CDK14: variants seen among roughly 807,000 people sequenced by gnomAD.
The protein encoded by CDK14 is cyclin-dependent kinase 14.
A neutral mutation model predicts 60.7 loss-of-function variants in CDK14; 34 were observed. That is an observed-to-expected ratio of 0.56 (90% CI 0.43 to 0.75). The LOEUF is 0.75. CDK14 is among the 30% of genes least tolerant of loss of function. The pLI is 0.00. For missense variants in CDK14, 482 were observed against 564.1 expected (o/e 0.85, Z 1.47); for synonymous variants, 197 against 203.7 (o/e 0.97, Z 0.28).
chr7:91,159,690 C>T (rs188168638), intron 14 of CDK14, among the ~76,000 whole-genome samples: 21 of 152,268 alleles, frequency 1.4e-4, no homozygotes, highest in African/African-American at 4.6e-4. Flanking sequence ...CAACAATGGA[C>T]AGAAAGCAGC....
intron 3 of CDK14, among the ~76,000 whole-genome samples, chr7:90,728,472 T>G (rs529170688): frequency 6.6e-6 from 1 of 152,184 alleles, no homozygotes; most frequent in African/African-American, 2.4e-5. Context: ...TTTTTAATTA[T>G]ACTAATATTT....
At chr7:90,606,373 ATAAT>A (rs946464785) in intron 2 of CDK14, among the ~76,000 whole-genome samples, 6 of 152,228 alleles carry the variant, frequency 3.9e-5, no homozygotes, top group African/African-American at 1.4e-4. Flanking sequence ...AAGGGTTAAG[ATAAT>A]TAAATAAGGT....
At chr7:90,711,640 C>G (rs569136603) in intron 2 of CDK14, among the ~76,000 whole-genome samples, 3 of 152,104 alleles carry the variant, frequency 2.0e-5, no homozygotes. Flanking sequence ...CATTGTAAGA[C>G]CTGCTGTAAA....
intron 2 of CDK14, among the ~76,000 whole-genome samples, chr7:90,615,191 A>C (rs1799625837): frequency 6.6e-6 from 1 of 152,258 alleles, no homozygotes; most frequent in Non-Finnish European, 1.5e-5. Context: ...AAAAGTTTTC[A>C]ATATGCACTT....
In CDK14 at chr7:90,892,338, A is replaced by C. The variant is rs955125870; in HGVS notation, c.640-6953A>C. Reference sequence around the variant, plus strand: ...GTTTTAAAATGGACATTATATACGTAATTAATCTTTCTAGTTTTCTTCTGT... The same window carrying C: ...GTTTTAAAATGGACATTATATACGTCATTAATCTTTCTAGTTTTCTTCTGT... On this transcript the variant is annotated intron_variant, in intron 6 of 14. Transcript: ENST00000380050. Among the ~76,000 whole-genome samples, 3 of 152,136 alleles carry C rather than the reference A, an allele frequency of 2.0e-5. No individual in the cohort carries two copies. In the South Asian group the frequency reaches 6.2e-4, roughly 32 times the overall value.
At chr7:90,739,085 C>T (rs1803245871) in intron 3 of CDK14, among the ~76,000 whole-genome samples, 1 of 152,084 alleles carries the variant, frequency 6.6e-6, no homozygotes. Context: ...CATCCTATTC[C>T]ATAGGACTGT....
At chr7:90,778,846 A>ACCTTCCTTCCTT (rs35971285) in intron 4 of CDK14, among the ~76,000 whole-genome samples, 3,901 of 127,904 alleles carry the variant, frequency 0.03, 99 homozygotes, top group Non-Finnish European at 0.034. Flanking sequence ...AAATTGACCG[A>ACCTTCCTTCCTT]CCTTCCTTCC....
intron 2 of CDK14, among the ~76,000 whole-genome samples, chr7:90,718,087 G>A (rs1802316155): frequency 6.6e-6 from 1 of 152,018 alleles, no homozygotes; most frequent in African/African-American, 2.4e-5. Context: ...TTGTGACAGT[G>A]ACAATGATAT....
chr7:90,808,562 C>T (rs970171077), intron 5 of CDK14, among the ~76,000 whole-genome samples: 2 of 152,132 alleles, frequency 1.3e-5, no homozygotes, highest in African/African-American at 4.8e-5. Flanking sequence ...CATCAACTAA[C>T]GAGCAAAATA....
chr7:90,964,809 C>T (rs979415073), intron 9 of CDK14, among the ~76,000 whole-genome samples: 7 of 152,050 alleles, frequency 4.6e-5, no homozygotes, highest in African/African-American at 1.7e-4. Flanking sequence ...TATATCACGT[C>T]TTAGAACATT....
chr7:91,025,975 T>C (rs904927560), intron 10 of CDK14, among the ~76,000 whole-genome samples: 1 of 152,322 alleles, frequency 6.6e-6, no homozygotes, highest in African/African-American at 2.4e-5. Flanking sequence ...CCAGACAAAA[T>C]TGGCTGAAAA....
chr7:90,921,553 G>A (rs1408781283), intron 8 of CDK14, among the ~76,000 whole-genome samples: 1 of 152,008 alleles, frequency 6.6e-6, no homozygotes, highest in Non-Finnish European at 1.5e-5. Flanking sequence ...ACTATCTCTA[G>A]AACCATGCTT....
chr7:91,029,572 C>T (rs1252841414), intron 10 of CDK14, among the ~76,000 whole-genome samples: 4 of 118,324 alleles, frequency 3.4e-5, no homozygotes, highest in Non-Finnish European at 5.7e-5. Context: ...GGGCTTCCTT[C>T]TCTCTCCTCT....
At chr7:90,666,161 T>G (rs1372924868) in intron 2 of CDK14, among the ~76,000 whole-genome samples, 1 of 152,218 alleles carries the variant, frequency 6.6e-6, no homozygotes, top group East Asian at 1.9e-4. Context: ...CTTTTGTGTT[T>G]GCATCCCTGT....
chr7:90,821,633 G>A (rs1472924820), intron 5 of CDK14, among the ~76,000 whole-genome samples: 1 of 152,198 alleles, frequency 6.6e-6, no homozygotes, highest in Non-Finnish European at 1.5e-5. Context: ...GGGTCTGTTG[G>A]CACCAAAGAG....
intron 2 of CDK14, among the ~76,000 whole-genome samples, chr7:90,614,961 CA>C (rs1394180457): frequency 1.9e-4 from 29 of 151,884 alleles, no homozygotes; most frequent in Admixed American, 1.8e-3. Flanking sequence ...CAGGTATTAG[CA>C]AAAAATTATA....
intron 10 of CDK14, among the ~76,000 whole-genome samples, chr7:91,030,107 T>A (rs1314379780): frequency 6.6e-6 from 1 of 152,198 alleles, no homozygotes; most frequent in South Asian, 2.1e-4. Flanking sequence ...TGGATACATA[T>A]GTAATAGTAT....
At chr7:91,130,139 A>G (rs564445405) in intron 14 of CDK14, among the ~76,000 whole-genome samples, 3 of 152,262 alleles carry the variant, frequency 2.0e-5, no homozygotes, top group South Asian at 4.1e-4. Context: ...TTGTAGTCCC[A>G]TATTTTTGTC....
At chr7:90,709,172 C>A in intron 2 of CDK14, 1 of 205,664 alleles carries the variant, frequency 4.9e-6, no homozygotes, top group Non-Finnish European at 9.6e-6. Flanking sequence ...TTTTTTTTAA[C>A]CACATATTTG....
Sources: allele counts gnomAD v4.1 joint callset (sites outside exome capture counted in the v4.1 genomes callset), GRCh38; gene constraint gnomAD v4.1.1; transcripts MANE v1.5; gene names NCBI Gene and HGNC (gene_info 2026-07-23, HGNC 2026-07-21).